The following MCTP2 variants were observed in gnomAD, a reference collection of about 807,000 sequenced individuals.
MCTP2 encodes the protein multiple C2 and transmembrane domain-containing protein 2.
Under a neutral mutation model 111.6 loss-of-function variants are expected in MCTP2, and 132 were observed. The observed-to-expected ratio is 1.18, with a 90% CI of 1.03 to 1.37. The LOEUF is 1.37. MCTP2 is among the 40% of genes most tolerant of loss of function. MCTP2 has a pLI of 0.00. For missense variants in MCTP2, 1,183 were observed against 1,067.9 expected (o/e 1.11, Z -1.50); for synonymous variants, 395 against 387.7 (o/e 1.02, Z -0.22).
chr15:94,384,287 T>C (rs1326048581), intron 13 of MCTP2, among the ~76,000 whole-genome samples, 163 bp downstream of exon 13: 3 of 152,146 alleles, frequency 2.0e-5, no homozygotes, highest in African/African-American at 7.2e-5. Flanking sequence ...GTGGTGTTAA[T>C]AATAGAAGAG....
chr15:94,332,284 T>C (rs201413149), intron 4 of MCTP2, among the ~76,000 whole-genome samples: 2 of 131,572 alleles, frequency 1.5e-5, no homozygotes, highest in African/African-American at 5.1e-5. Flanking sequence ...TTTTATTTTT[T>C]CTGGTGTCAA....
intron 1 of MCTP2, among the ~76,000 whole-genome samples, chr15:94,244,214 A>G (rs532658934): frequency 7.0e-6 from 1 of 142,436 alleles, no homozygotes; most frequent in East Asian, 2.0e-4. Flanking sequence ...GTATACACAT[A>G]CATATGTGTA....
In MCTP2 at chr15:94,330,559, T is replaced by G. The variant is rs28572266; in HGVS notation, c.638-8731T>G. On this transcript the variant is annotated intron_variant, in intron 4 of 22. Transcript: ENST00000357742. Reference sequence around the variant, plus strand: ...TTTCTAGTCTCTTTTTATTGTAGTATTCTAGCTGCTGCCTCTCCTCTCCCT... The same window carrying G: ...TTTCTAGTCTCTTTTTATTGTAGTAGTCTAGCTGCTGCCTCTCCTCTCCCT... Among the ~76,000 whole-genome samples, 235 of 152,308 alleles carry G rather than the reference T, an allele frequency of 1.5e-3. 2 individuals carry two copies. Among genetic ancestry groups the G allele is most frequent in the African/African-American group, 5.1e-3 (214 of 41,562 alleles).
chr15:94,352,539 A>C (rs996512373), intron 8 of MCTP2, among the ~76,000 whole-genome samples: 2 of 152,176 alleles, frequency 1.3e-5, no homozygotes, highest in African/African-American at 4.8e-5. Flanking sequence ...TGTATCCATT[A>C]TGTCTGCTGA....
chr15:94,477,287 C>A (rs2074445265), intron 22 of MCTP2, among the ~76,000 whole-genome samples: 1 of 152,164 alleles, frequency 6.6e-6, no homozygotes, highest in Non-Finnish European at 1.5e-5. Context: ...GAGAATGCAG[C>A]CCCCATTTAC....
At chr15:94,253,733 C>CT (rs58434173) in intron 1 of MCTP2, among the ~76,000 whole-genome samples, 176 of 147,064 alleles carry the variant, frequency 1.2e-3, no homozygotes, top group Middle Eastern at 3.6e-3. Context: ...TAAAGTCTCT[C>CT]TTTTTTTTTT....
chr15:94,315,571 C>G lies in MCTP2; in HGVS notation c.571C>G (p.Pro191Ala). 1.2e-6 allele frequency: 2 copies of G among 1,614,184 alleles called. No individual in the cohort carries two copies. The highest frequency in any genetic ancestry group is 1.7e-5 in the Admixed American group (1 of 60,032). ...TGATGGCTTGAGTAACCTCCCCAGC[C>G]CTTTTGCGTACCTCCTCACCATACA... ...ASDGLSNLPS[P>A]FAYLLTIHLK... Residue 191 changes from proline (P) to alanine (A), a missense_variant, in exon 4 of 23, where the codon CCT becomes GCT. Transcript: ENST00000357742.
intron 2 of MCTP2, among the ~76,000 whole-genome samples, chr15:94,305,869 T>A (rs1217167206): frequency 2.0e-5 from 3 of 152,204 alleles, no homozygotes; most frequent in South Asian, 2.1e-4. Context: ...CTTATTTTTT[T>A]ATTTTTTTCT....
intron 8 of MCTP2, among the ~76,000 whole-genome samples, chr15:94,353,571 CTG>C (rs1341222503): frequency 6.6e-6 from 1 of 152,164 alleles, no homozygotes; most frequent in Non-Finnish European, 1.5e-5. Flanking sequence ...AATTGCCAGA[CTG>C]TAGGATGCCC....
chr15:94,345,749 G>A (rs2152411173), intron 8 of MCTP2, among the ~76,000 whole-genome samples: 1 of 152,286 alleles, frequency 6.6e-6, no homozygotes, highest in Admixed American at 6.5e-5. Flanking sequence ...GTAGCCAGTT[G>A]TAACATAAAT....
At chr15:94,453,967 G>A (rs2084636072) in intron 19 of MCTP2, among the ~76,000 whole-genome samples, 1 of 152,014 alleles carries the variant, frequency 6.6e-6, no homozygotes, top group Non-Finnish European at 1.5e-5. Context: ...AGATCAAATG[G>A]CTATTTCTTC....
At chr15:94,395,399 TTCCTC>T (rs2081231614) in intron 14 of MCTP2, among the ~76,000 whole-genome samples, 1 of 152,196 alleles carries the variant, frequency 6.6e-6, no homozygotes. Flanking sequence ...GTGTGTATCT[TTCCTC>T]TCTAAAGCCA....
At chr15:94,468,324 A>G (rs1163852398) in intron 20 of MCTP2, among the ~76,000 whole-genome samples, 1 of 152,098 alleles carries the variant, frequency 6.6e-6, no homozygotes, top group Non-Finnish European at 1.5e-5. Flanking sequence ...AGTTTTACAG[A>G]CTGGAAATTA....
intron 1 of MCTP2, among the ~76,000 whole-genome samples, chr15:94,254,746 A>T (rs146338363): frequency 1.5e-3 from 228 of 152,338 alleles, no homozygotes; most frequent in African/African-American, 5.1e-3. Flanking sequence ...GAATGAATGA[A>T]TAAATGAATT....
chr15:94,251,009 A>G (rs928993294), intron 1 of MCTP2, among the ~76,000 whole-genome samples: 2 of 152,238 alleles, frequency 1.3e-5, no homozygotes, highest in Non-Finnish European at 2.9e-5. Flanking sequence ...ATGATTAGAT[A>G]AGAGTGGCCC....
chr15:94,313,417 T>C lies in MCTP2; in HGVS notation c.466-865T>C, dbSNP rs553948627. On this transcript the variant is annotated intron_variant, in intron 2 of 22. Transcript: ENST00000357742. The stretch of plus-strand genomic sequence containing the variant: ...AGAAGCATTTTAAAATTGGGAAACA[T>C]AGGGGCCGGGCATGGTGGCTCACGC... Among the ~76,000 whole-genome samples, 62 of 152,128 alleles carry C rather than the reference T, an allele frequency of 4.1e-4. 1 individual carries two copies. In the South Asian group the frequency reaches 0.012, roughly 30 times the overall value.
intron 2 of MCTP2, 98 bp downstream of exon 2, chr15:94,298,828 C>T: frequency 2.2e-6 from 1 of 447,210 alleles, no homozygotes; most frequent in Non-Finnish European, 3.4e-6. Flanking sequence ...CTCTTCCCCC[C>T]TCCCCCTCCC....
In MCTP2 at chr15:94,443,047, C is replaced by CTTTTTT. The variant is rs529237554; in HGVS notation, c.2250+99_2250+104dup. 8.7e-6 allele frequency: 5 copies of CTTTTTT among 575,558 alleles called. No homozygotes were observed. In the South Asian group the frequency reaches 1.6e-4, roughly 18 times the overall value. The allele number at this position is 575,558 out of a possible 1,614,324, so 35.7% of individuals were successfully genotyped here. On this transcript the variant is annotated intron_variant, in intron 19 of 22. Transcript: ENST00000357742. ...CCTTCAGGTTGAGTCTCTCTCCTCTCTTTTTTTTTTTTTTTTTAATATGAT... is the reference window on the plus strand; with the variant it reads ...CCTTCAGGTTGAGTCTCTCTCCTCTCTTTTTTTTTTTTTTTTTTTTTTTAATATGAT...
At chr15:94,431,375 G>A (rs1234120720) in intron 17 of MCTP2, among the ~76,000 whole-genome samples, 2 of 152,214 alleles carry the variant, frequency 1.3e-5, no homozygotes, top group African/African-American at 4.8e-5. Context: ...AACCTAGAAT[G>A]TGTGGTGCAG....
Sources: gnomAD v4.1 joint callset for allele counts (sites outside exome capture counted in the v4.1 genomes callset) on GRCh38, gnomAD v4.1.1 for gene constraint, MANE v1.5 for transcripts, NCBI Gene and HGNC (gene_info 2026-07-23, HGNC 2026-07-21) for gene names.